Variants in LRFN2 observed in about 807,000 individuals in gnomAD.
The protein encoded by LRFN2 is leucine rich repeat and fibronectin type III domain containing 2, also known as leucine-rich repeat and fibronectin type-III domain-containing protein 2.
Under a neutral mutation model 37.3 loss-of-function variants are expected in LRFN2, and 18 were observed. The observed-to-expected ratio is 0.48, with a 90% CI of 0.33 to 0.72. LRFN2 has a LOEUF of 0.72. Among genes scored for constraint, LRFN2 ranks in the 30% least tolerant of loss-of-function variants. LRFN2 has a pLI of 0.02. For synonymous variants in LRFN2, 556 were observed against 466.6 expected (o/e 1.19, Z -2.47); for missense variants, 1,006 against 1,060.7 (o/e 0.95, Z 0.72).
At chr6:40,517,220 A>G (rs903753784) in intron 1 of LRFN2, 5 of 152,128 alleles carry the variant, frequency 3.3e-5, no homozygotes, top group Non-Finnish European at 7.3e-5. Context: ...CATCCATTCA[A>G]TTTAATTAAC....
At chr6:40,482,773 C>A (rs1200842036) in intron 1 of LRFN2, among the ~76,000 whole-genome samples, 1 of 152,182 alleles carries the variant, frequency 6.6e-6, no homozygotes, top group Non-Finnish European at 1.5e-5. Context: ...CCCCTCCTGG[C>A]CAGGCCAGCT....
intron 1 of LRFN2, among the ~76,000 whole-genome samples, chr6:40,489,431 C>CA (rs1219375408): frequency 1.3e-5 from 2 of 152,198 alleles, no homozygotes; most frequent in Non-Finnish European, 2.9e-5. Context: ...GAGGCACCTG[C>CA]AGACCTCCTA....
chr6:40,542,300 G>C (rs910503280), intron 1 of LRFN2, among the ~76,000 whole-genome samples: 2 of 152,052 alleles, frequency 1.3e-5, no homozygotes, highest in Admixed American at 6.5e-5. Context: ...TTTCCAATTA[G>C]GAAACCTGGC....
chr6:40,426,329 C>G (rs965404501), intron 2 of LRFN2, among the ~76,000 whole-genome samples: 2 of 152,170 alleles, frequency 1.3e-5, no homozygotes, highest in Non-Finnish European at 2.9e-5. Flanking sequence ...TTCTACTGAA[C>G]CCTTTTGGTA....
At chr6:40,493,113 G>A (rs1429347785) in intron 1 of LRFN2, among the ~76,000 whole-genome samples, 1 of 152,066 alleles carries the variant, frequency 6.6e-6, no homozygotes, top group Non-Finnish European at 1.5e-5. Context: ...ATCTCAGAAA[G>A]GACATTCAAA....
intron 1 of LRFN2, among the ~76,000 whole-genome samples, chr6:40,485,772 T>A (rs1764942728): frequency 6.6e-6 from 1 of 152,220 alleles, no homozygotes; most frequent in Non-Finnish European, 1.5e-5. Context: ...TTGGTTATCA[T>A]GGGCTGACCA....
chr6:40,570,906 G>A (rs1047771805), intron 1 of LRFN2, among the ~76,000 whole-genome samples: 1 of 152,256 alleles, frequency 6.6e-6, no homozygotes, highest in Non-Finnish European at 1.5e-5. Context: ...CCAGTGCCTG[G>A]CAGGCCAGCT....
At chr6:40,538,636 T>A (rs1766496136) in intron 1 of LRFN2, among the ~76,000 whole-genome samples, 1 of 152,246 alleles carries the variant, frequency 6.6e-6, no homozygotes. Context: ...AATTACAGCT[T>A]TCTACTGGCA....
At chr6:40,404,860 A>G (rs1762809882) in intron 2 of LRFN2, among the ~76,000 whole-genome samples, 2 of 152,140 alleles carry the variant, frequency 1.3e-5, no homozygotes, top group African/African-American at 4.8e-5. Context: ...TGACTCTTCC[A>G]GTTCTCCATG....
intron 1 of LRFN2, among the ~76,000 whole-genome samples, chr6:40,537,141 C>T (rs1272048985): frequency 1.3e-5 from 2 of 152,086 alleles, no homozygotes; most frequent in East Asian, 1.9e-4. Flanking sequence ...TTTCCAGGGA[C>T]GGGGAGCTCA....
At chr6:40,581,449 C>G (rs1412062679) in intron 1 of LRFN2, among the ~76,000 whole-genome samples, 3 of 152,134 alleles carry the variant, frequency 2.0e-5, no homozygotes, top group East Asian at 3.8e-4. Context: ...CCGCTGCACC[C>G]CAGCAAGCAT....
At chr6:40,481,417 G>A (rs1469148592) in intron 1 of LRFN2, among the ~76,000 whole-genome samples, 5 of 146,120 alleles carry the variant, frequency 3.4e-5, no homozygotes, top group African/African-American at 1.3e-4. Context: ...ACTCCAGCCT[G>A]GGCAACAGAA....
chr6:40,540,154 A>G (rs1195873206), intron 1 of LRFN2, among the ~76,000 whole-genome samples: 1 of 152,210 alleles, frequency 6.6e-6, no homozygotes, highest in African/African-American at 2.4e-5. Flanking sequence ...AACTTGGGAC[A>G]GACTCTTAAG....
chr6:40,462,838 G>T (rs1226615747), intron 1 of LRFN2, among the ~76,000 whole-genome samples: 1 of 152,164 alleles, frequency 6.6e-6, no homozygotes, highest in Admixed American at 6.5e-5. Context: ...AAGACCAGTT[G>T]CTTCCAGGGC....
chr6:40,485,891 G>A (rs564214209), intron 1 of LRFN2, among the ~76,000 whole-genome samples: 1 of 152,254 alleles, frequency 6.6e-6, no homozygotes, highest in South Asian at 2.1e-4. Context: ...GGGGAGTAGG[G>A]GAACTGAAAA....
chr6:40,432,366 G>C lies in LRFN2; in HGVS notation c.748C>G (p.Leu250Val), dbSNP rs749009172. ...GGNPLHCNCE[L>V]LWLRRLERDD... Reference sequence around the variant, plus strand: ...CGCTCGAGCCTCCGCAGCCAGAGAAGCTCACAATTGCAGTGAAGTGGGTTA... The same window carrying C: ...CGCTCGAGCCTCCGCAGCCAGAGAACCTCACAATTGCAGTGAAGTGGGTTA... The change falls in exon 2 of 3, where the codon CTT becomes GTT. Residue 250 changes from leucine (L) to valine (V), a missense_variant. Leu to Val is a conservative substitution (Grantham distance 32). Transcript: ENST00000338305. 1 of 1,614,186 alleles carries C rather than the reference G, an allele frequency of 6.2e-7. No individual in the cohort carries two copies. The highest frequency in any genetic ancestry group is 2.2e-5 in the East Asian group (1 of 44,868).
chr6:40,457,981 C>A (rs1764269374), intron 1 of LRFN2, among the ~76,000 whole-genome samples: 2 of 152,138 alleles, frequency 1.3e-5, no homozygotes, highest in Admixed American at 6.5e-5. Flanking sequence ...CTATCATTAG[C>A]CTGGATTGTT....
intron 1 of LRFN2, among the ~76,000 whole-genome samples, chr6:40,441,919 C>G (rs115994746): frequency 6.6e-6 from 1 of 152,228 alleles, no homozygotes; most frequent in Non-Finnish European, 1.5e-5. Flanking sequence ...CTGGATGGAA[C>G]CTTCTCACCC....
intron 2 of LRFN2, among the ~76,000 whole-genome samples, chr6:40,412,673 A>G (rs1762998586): frequency 6.6e-6 from 1 of 152,166 alleles, no homozygotes; most frequent in Admixed American, 6.5e-5. Context: ...TCACTCATCC[A>G]AGAAATGTTT....
Sources: gnomAD v4.1 joint callset for allele counts (sites outside exome capture counted in the v4.1 genomes callset) on GRCh38, gnomAD v4.1.1 for gene constraint, MANE v1.5 for transcripts, NCBI Gene and HGNC (gene_info 2026-07-23, HGNC 2026-07-21) for gene names.